Variants in GPX3 observed in about 807,000 individuals in gnomAD.
The protein encoded by GPX3 is GPx-3.
GPX3 carries 22 observed loss-of-function variants against 25.1 expected under a neutral mutation model. The ratio of observed to expected loss-of-function variants is 0.88; its 90% CI spans 0.63 to 1.25. The LOEUF is 1.25. Among genes scored for constraint, GPX3 ranks in the 50% most tolerant of loss-of-function variants. The probability of loss-of-function intolerance (pLI) is 0.00; values close to 1 mark genes in which losing one functional copy is unlikely to be tolerated. For synonymous variants in GPX3, 110 were observed against 114.5 expected (o/e 0.96, Z 0.25); for missense variants, 278 against 286.6 (o/e 0.97, Z 0.22).
At position 151,028,067 on chromosome 5, in the gene GPX3, C is replaced by T. The variant is rs371559625; in HGVS notation, c.618C>T (p.Asn206=). ...MRWHHRTTVS[N]VKMDILSYMR... Reference sequence around the variant, plus strand: ...GGCACCACCGGACCACGGTCAGCAACGTCAAGATGGACATCCTGTCCTACA... The same window carrying T: ...GGCACCACCGGACCACGGTCAGCAATGTCAAGATGGACATCCTGTCCTACA... Residue 206 remains asparagine, a synonymous_variant, in exon 5 of 5, where the codon AAC becomes AAT. Coordinates refer to ENST00000388825, the MANE Select transcript of GPX3 (RefSeq NM_002084.5). 34 of 1,612,304 alleles carry T rather than the reference C, an allele frequency of 2.1e-5. No homozygotes were observed. Among genetic ancestry groups the T allele is most frequent in the Admixed American group, 5.0e-5 (3 of 59,666 alleles).
chr5:151,023,979 G>C (rs1756512248), intron 1 of GPX3, among the ~76,000 whole-genome samples: 1 of 152,208 alleles, frequency 6.6e-6, no homozygotes, highest in African/African-American at 2.4e-5. Context: ...CTCTACTGGG[G>C]CCACGCCCTG....
At position 151,026,889 on chromosome 5, in the gene GPX3, C is replaced by T; in HGVS notation, c.242-11C>T. On this transcript the variant is annotated splice_polypyrimidine_tract_variant and intron_variant, in intron 2 of 4. Coordinates refer to ENST00000388825, the MANE Select transcript of GPX3 (RefSeq NM_002084.5). ...GGATACTCCCACATCTGCTCTTTCT[C>T]TTTGGCCCAGAACTGAATGCACTAC... 1.2e-6 allele frequency: 2 copies of T among 1,600,824 alleles called. No homozygotes were observed. The highest frequency in any genetic ancestry group is 1.7e-6 in the Non-Finnish European group (2 of 1,169,198).
At position 151,026,979 on chromosome 5, in the gene GPX3, G is replaced by A. The variant is rs753145475; in HGVS notation, c.321G>A (p.Gln107=). Reference sequence around the variant, plus strand: ...TTCCCTGCAACCAATTTGGAAAACAGGAACCAGGAGAGAACTCAGAGATCC... The same window carrying A: ...TTCCCTGCAACCAATTTGGAAAACAAGAACCAGGAGAGAACTCAGAGATCC... ...LGFPCNQFGK[Q]EPGENSEILP... The change falls in exon 3 of 5, where the codon CAG becomes CAA. Residue 107 remains glutamine (Q), a synonymous_variant. Transcript: ENST00000388825. 60 of 1,613,952 alleles carry A rather than the reference G, an allele frequency of 3.7e-5. No individual in the cohort carries two copies. Among genetic ancestry groups the A allele is most frequent in the Non-Finnish European group, 4.8e-5 (57 of 1,179,932 alleles).
At chr5:151,026,645 C>CA (rs1344810173) in intron 2 of GPX3, 2 of 393,672 alleles carry the variant, frequency 5.1e-6, no homozygotes, top group African/African-American at 4.1e-5. Flanking sequence ...TGGCAATGGG[C>CA]AGGTGACTGA....
At position 151,028,385 on chromosome 5, in the gene GPX3, A is replaced by G. The variant is rs8177450; in HGVS notation, c.*255A>G. The G allele has an allele frequency of 3.4e-4, 169 of 496,664 alleles. 3 individuals are homozygous for G. In the East Asian group the frequency reaches 4.9e-3, roughly 14 times the overall value. The allele number at this position is 496,664 out of a possible 1,614,324, so 30.8% of individuals were successfully genotyped here. On this transcript the variant is annotated 3_prime_UTR_variant, in exon 5 of 5. Transcript: ENST00000388825. ...TGCATGGGTGTACAGCCACGTGTCT[A>G]CCTATGTGTCTTTCTGGGAATGTGT...
Position 151,025,329 on chromosome 5 carries a change from C to T in GPX3, c.88-11C>T. 6.4e-7 allele frequency: 1 copy of T among 1,551,926 alleles called. No homozygotes were observed. The highest frequency in any genetic ancestry group is 2.4e-5 in the East Asian group (1 of 41,810). ...CAGCTCTAACTGCTCCTTTTATGGCCTGTGTTCCAGATGGACTGCCATGGT... is the reference window on the plus strand; with the variant it reads ...CAGCTCTAACTGCTCCTTTTATGGCTTGTGTTCCAGATGGACTGCCATGGT... On this transcript the variant is annotated splice_polypyrimidine_tract_variant and intron_variant, in intron 1 of 4. Coordinates refer to ENST00000388825, the MANE Select transcript of GPX3 (RefSeq NM_002084.5).
rs778364094 is a variant in GPX3, at chr5:151,028,092, A to G, written c.643A>G (p.Met215Val). 9 of 1,599,522 alleles carry G rather than the reference A, an allele frequency of 5.6e-6. No homozygotes were observed. In the African/African-American group the frequency reaches 9.4e-5, roughly 17 times the overall value. The change falls in exon 5 of 5, where the codon ATG becomes GTG. Residue 215 changes from methionine to valine, a missense_variant. Coordinates refer to ENST00000388825, the MANE Select transcript of GPX3 (RefSeq NM_002084.5). ...SNVKMDILSYMRRQAALGVKR... is the reference protein window; with the variant it reads ...SNVKMDILSYVRRQAALGVKR... ...CGTCAAGATGGACATCCTGTCCTAC[A>G]TGAGGCGGCAGGCAGCCCTGGGGGT...
At chr5:151,027,558 T>TGGGGCTGGAGCCAGGA in intron 4 of GPX3, 27 bp downstream of exon 4, 4 of 1,455,468 alleles carry the variant, frequency 2.7e-6, no homozygotes, top group Non-Finnish European at 3.9e-6. Flanking sequence ...CTGTGCTGGC[T>TGGGGCTGGAGCCAGGA]GGGGCTGCAG....
At chr5:151,027,825 C>T in intron 4 of GPX3, 84 bp from the exon 5 acceptor site, 2 of 1,157,362 alleles carry the variant, frequency 1.7e-6, no homozygotes, top group Non-Finnish European at 2.6e-6. Context: ...TTCTCAGGGC[C>T]AGGCTATTCC....
intron 1 of GPX3, chr5:151,021,134 G>T: frequency 3.9e-6 from 1 of 253,900 alleles, no homozygotes. Context: ...AATGCCCAGC[G>T]TCTGGGTGGG....
chr5:151,020,797 A>C lies in GPX3; in HGVS notation c.87+56A>C, dbSNP rs1374068085. The C allele has an allele frequency of 2.0e-6, 3 of 1,486,462 alleles. No homozygotes were observed. The East Asian group carries it at 6.9e-5, about 34-fold the overall frequency. 92.1% of individuals were successfully genotyped at this position (1,486,462 alleles called of 1,614,324 possible). A position where few individuals can be genotyped will look rare whatever the true frequency, so the allele number is the denominator to read the frequency against. On this transcript the variant is annotated intron_variant, in intron 1 of 4. Coordinates refer to ENST00000388825, the MANE Select transcript of GPX3 (RefSeq NM_002084.5). The stretch of plus-strand genomic sequence containing the variant: ...GAAAAAACCTAGCCCCTCGGTGTCC[A>C]GCGCTCAGTGCAATGCACCCCTTTT...
intron 1 of GPX3, 119 bp from the exon 2 acceptor site, chr5:151,025,221 T>C (rs1432590110): frequency 2.6e-6 from 2 of 775,796 alleles, no homozygotes; most frequent in Non-Finnish European, 3.9e-6. Context: ...CCAGTTCCAA[T>C]TCTCGGTGAT....
At chr5:151,022,882 C>CCAT (rs1177377656) in intron 1 of GPX3, among the ~76,000 whole-genome samples, 1 of 152,154 alleles carries the variant, frequency 6.6e-6, no homozygotes, top group Non-Finnish European at 1.5e-5. Context: ...GAACCTGACT[C>CCAT]CATCTTACAA....
At chr5:151,023,282 C>A (rs953474697) in intron 1 of GPX3, among the ~76,000 whole-genome samples, 10 of 152,138 alleles carry the variant, frequency 6.6e-5, no homozygotes, top group African/African-American at 2.4e-4. Flanking sequence ...GGCTCTCCAC[C>A]CATGGGCCAC....
chr5:151,026,888 T>A lies in GPX3; in HGVS notation c.242-12T>A, dbSNP rs1454117079. The A allele has an allele frequency of 6.3e-7, 1 of 1,598,264 alleles. No homozygotes were observed. Among genetic ancestry groups the A allele is most frequent in the East Asian group, 2.2e-5 (1 of 44,708 alleles). The stretch of plus-strand genomic sequence containing the variant: ...AGGATACTCCCACATCTGCTCTTTC[T>A]CTTTGGCCCAGAACTGAATGCACTA... On this transcript the variant is annotated splice_polypyrimidine_tract_variant and intron_variant, in intron 2 of 4. Coordinates refer to ENST00000388825, the MANE Select transcript of GPX3 (RefSeq NM_002084.5).
chr5:151,020,768 G>A, intron 1 of GPX3, 27 bp downstream of exon 1: 1 of 1,594,790 alleles, frequency 6.3e-7, no homozygotes, highest in Non-Finnish European at 8.6e-7. Flanking sequence ...GCCGGGGGCC[G>A]GGAGAAAAAA....
intron 1 of GPX3, among the ~76,000 whole-genome samples, chr5:151,024,423 T>G (rs185540841): frequency 1.2e-4 from 19 of 152,356 alleles, no homozygotes; most frequent in Admixed American, 1.2e-3. Flanking sequence ...GCCATCATGG[T>G]TGACCTGGTT....
intron 1 of GPX3, among the ~76,000 whole-genome samples, 198 bp from the exon 2 acceptor site, chr5:151,025,142 G>T (rs3763011): frequency 6.6e-6 from 1 of 151,732 alleles, no homozygotes; most frequent in African/African-American, 2.4e-5. Flanking sequence ...TTAAGTACCC[G>T]AAAAGCACTT....
At chr5:151,023,440 T>G (rs1048454923) in intron 1 of GPX3, among the ~76,000 whole-genome samples, 2 of 152,164 alleles carry the variant, frequency 1.3e-5, no homozygotes, top group African/African-American at 4.8e-5. Flanking sequence ...AGTGACTTGC[T>G]CAGGGCCACA....
Sources: gnomAD v4.1 joint callset for allele counts (sites outside exome capture counted in the v4.1 genomes callset) on GRCh38, gnomAD v4.1.1 for gene constraint, MANE v1.5 for transcripts, NCBI Gene and HGNC (gene_info 2026-07-23, HGNC 2026-07-21) for gene names.